The following HDAC4 variants were observed in gnomAD, a reference collection of about 807,000 sequenced individuals.
HDAC4 encodes histone deacetylase 4.
A neutral mutation model predicts 135.1 loss-of-function variants in HDAC4; 16 were observed. The observed-to-expected ratio is 0.12, with a 90% CI of 0.08 to 0.18. The LOEUF (loss-of-function observed/expected upper bound fraction) is 0.18. HDAC4 is among the 10% of genes least tolerant of loss of function. The pLI, the probability that HDAC4 is intolerant of heterozygous loss-of-function variation, is 1.00. For synonymous variants in HDAC4, 685 were observed against 653.4 expected, an observed-to-expected ratio of 1.05 and a Z score of -0.74; for missense variants, 1,143 against 1,511.8, an observed-to-expected ratio of 0.76 and a Z score of 4.05.
At chr2:239,215,775 CG>C (rs1387925256) in intron 3 of HDAC4, among the ~76,000 whole-genome samples, 1 of 152,088 alleles carries the variant, frequency 6.6e-6, no homozygotes, top group East Asian at 1.9e-4. Context: ...GCCTCTGCAC[CG>C]GGCTCCCTGG....
At chr2:239,135,306 G>A (rs2040873518) in intron 9 of HDAC4, among the ~76,000 whole-genome samples, 1 of 152,194 alleles carries the variant, frequency 6.6e-6, no homozygotes, top group African/African-American at 2.4e-5. Flanking sequence ...GGTGGGCAAT[G>A]ATGACAATAC....
chr2:239,362,488 C>T (rs1039672899), intron 1 of HDAC4, among the ~76,000 whole-genome samples: 27 of 152,290 alleles, frequency 1.8e-4, no homozygotes, highest in African/African-American at 6.3e-4. Flanking sequence ...TACCAAGCTA[C>T]CACAAAGAAA....
At chr2:239,069,581 C>T (rs1469621307) in intron 22 of HDAC4, among the ~76,000 whole-genome samples, 1 of 82,174 alleles carries the variant, frequency 1.2e-5, no homozygotes, top group Non-Finnish European at 2.6e-5. Context: ...GCAAGCCCCA[C>T]TGCACTTGCT....
At chr2:239,179,085 C>A (rs892029153) in intron 4 of HDAC4, among the ~76,000 whole-genome samples, 2 of 134,642 alleles carry the variant, frequency 1.5e-5, no homozygotes, top group African/African-American at 2.8e-5. Context: ...ACCGGACGCC[C>A]GAGGCATAGA....
At chr2:239,320,619 C>T (rs2053276529) in intron 2 of HDAC4, among the ~76,000 whole-genome samples, 1 of 152,100 alleles carries the variant, frequency 6.6e-6, no homozygotes, top group Non-Finnish European at 1.5e-5. Context: ...AATACAAAAT[C>T]CATGATTCTA....
At chr2:239,198,507 G>A (rs534637870) in intron 3 of HDAC4, among the ~76,000 whole-genome samples, 38 of 152,316 alleles carry the variant, frequency 2.5e-4, no homozygotes, top group Admixed American at 5.9e-4. Flanking sequence ...CTAGCCCCCC[G>A]TTCTTGCTGC....
At chr2:239,075,627 G>A (rs895646322) in intron 22 of HDAC4, among the ~76,000 whole-genome samples, 4 of 152,340 alleles carry the variant, frequency 2.6e-5, no homozygotes, top group African/African-American at 9.6e-5. Flanking sequence ...CCTCGCGGTG[G>A]CCTCTGCATT....
In HDAC4 at chr2:239,090,089, C is replaced by A; in HGVS notation, c.2308G>T (p.Val770Leu). Residue 770 changes from valine (V) to leucine (L), a missense_variant, in exon 18 of 27, where the codon GTG becomes TTG. Physicochemically the swap from Val to Leu is conservative, Grantham distance 32. Transcript: ENST00000543185. ...AGGCGGGCTGCCCCCGCCGAGTGCA[C>A]CTCGTTCCATATGGTGTCACTGTCC... ...GVDSDTIWNE[V>L]HSAGAARLAV... The A allele has an allele frequency of 6.2e-7, 1 of 1,613,766 alleles. No homozygotes were observed. The highest frequency in any genetic ancestry group is 8.5e-7 in the Non-Finnish European group (1 of 1,179,930).
At chr2:239,338,327 G>A (rs112781490) in intron 2 of HDAC4, among the ~76,000 whole-genome samples, 100 of 152,122 alleles carry the variant, frequency 6.6e-4, no homozygotes, top group South Asian at 2.9e-3. Flanking sequence ...CTGGGGCAGC[G>A]GCAGCCTCTA....
chr2:239,107,508 C>T (rs566693514), intron 15 of HDAC4, among the ~76,000 whole-genome samples: 3 of 152,374 alleles, frequency 2.0e-5, no homozygotes, highest in East Asian at 1.9e-4. Context: ...ATTCCCTTCA[C>T]GACCCACTGC....
At chr2:239,365,830 G>A (rs1262879487) in intron 1 of HDAC4, among the ~76,000 whole-genome samples, 85 of 78,792 alleles carry the variant, frequency 1.1e-3, no homozygotes, top group Admixed American at 2.0e-3. Context: ...GGGGACACAC[G>A]CAGACACGCA....
At chr2:239,132,366 C>A (rs2040650179) in intron 11 of HDAC4, among the ~76,000 whole-genome samples, 1 of 152,218 alleles carries the variant, frequency 6.6e-6, no homozygotes. Context: ...AGGCTCCCTG[C>A]CAGGGGGTTT....
At chr2:239,283,800 C>G (rs62182100) in intron 2 of HDAC4, among the ~76,000 whole-genome samples, 6,539 of 152,312 alleles carry the variant, frequency 0.043, 197 homozygotes, top group Non-Finnish European at 0.068. Flanking sequence ...AGCACTGTCA[C>G]AAAGGGATGA....
chr2:239,183,532 A>T (rs985146467), intron 4 of HDAC4, among the ~76,000 whole-genome samples: 1 of 152,222 alleles, frequency 6.6e-6, no homozygotes, highest in African/African-American at 2.4e-5. Flanking sequence ...GTGTGTGCCC[A>T]CGTGCCCTAT....
chr2:239,144,753 C>T (rs1427594521), intron 7 of HDAC4, 39 bp from the exon 8 acceptor site: 1 of 1,607,702 alleles, frequency 6.2e-7, no homozygotes, highest in Non-Finnish European at 8.5e-7. Flanking sequence ...CAGGCAGACA[C>T]CACTGGCTCA....
At chr2:239,383,014 G>C (rs1316348149) in intron 1 of HDAC4, among the ~76,000 whole-genome samples, 1 of 152,174 alleles carries the variant, frequency 6.6e-6, no homozygotes, top group East Asian at 1.9e-4. Flanking sequence ...ACAGGCGTGA[G>C]CAACAGCTTA....
At chr2:239,353,248 C>T (rs1295313924) in intron 1 of HDAC4, among the ~76,000 whole-genome samples, 1 of 152,182 alleles carries the variant, frequency 6.6e-6, no homozygotes, top group Non-Finnish European at 1.5e-5. Context: ...CTCCTGACCT[C>T]AAGTGATCCA....
At chr2:239,252,623 T>C (rs80135607) in intron 2 of HDAC4, among the ~76,000 whole-genome samples, 11,337 of 152,276 alleles carry the variant, frequency 0.074, 646 homozygotes, top group South Asian at 0.099. Context: ...TTCTTGAGGA[T>C]GGGAAGATGG....
intron 3 of HDAC4, among the ~76,000 whole-genome samples, chr2:239,190,620 G>A (rs555682934): frequency 1.2e-4 from 18 of 152,278 alleles, no homozygotes; most frequent in Admixed American, 7.2e-4. Context: ...CCCGGAGCCC[G>A]TTTCCATGGT....
Sources: allele counts gnomAD v4.1 joint callset (sites outside exome capture counted in the v4.1 genomes callset), GRCh38; gene constraint gnomAD v4.1.1; transcripts MANE v1.5; gene names NCBI Gene and HGNC (gene_info 2026-07-23, HGNC 2026-07-21).